Variants in ESR1 observed in about 807,000 individuals in gnomAD.
ESR1 encodes estrogen receptor 1, also known as estrogen receptor.
A neutral mutation model predicts 52.7 loss-of-function variants in ESR1; 12 were observed. That is an observed-to-expected ratio of 0.23 (90% confidence interval 0.15 to 0.37). ESR1 has a LOEUF of 0.37. Among genes scored for constraint, ESR1 ranks in the 10% least tolerant of loss-of-function variants. The pLI is 1.00. For missense variants in ESR1, 584 were observed against 779.7 expected, an observed-to-expected ratio of 0.75 and a Z score of 2.99; for synonymous variants, 305 against 316.8, an observed-to-expected ratio of 0.96 and a Z score of 0.39.
At chr6:152,037,429 A>G (rs1461994133) in intron 5 of ESR1, among the ~76,000 whole-genome samples, 1 of 152,206 alleles carries the variant, frequency 6.6e-6, no homozygotes, top group Admixed American at 6.5e-5. Flanking sequence ...TGGAGTGGAA[A>G]GGTTCACCAG....
At chr6:152,041,907 G>A (rs924212331) in intron 5 of ESR1, among the ~76,000 whole-genome samples, 2 of 152,186 alleles carry the variant, frequency 1.3e-5, no homozygotes, top group Admixed American at 1.3e-4. Context: ...GTGTTAATTT[G>A]CTCAAGTAAT....
chr6:152,030,947 C>A (rs1230288888), intron 5 of ESR1, among the ~76,000 whole-genome samples: 1 of 152,146 alleles, frequency 6.6e-6, no homozygotes, highest in Non-Finnish European at 1.5e-5. Flanking sequence ...TCTCTCAGAC[C>A]ACAGTGCAAT....
chr6:151,840,787 G>A (rs940977949), intron 1 of ESR1, among the ~76,000 whole-genome samples: 1 of 152,166 alleles, frequency 6.6e-6, no homozygotes, highest in African/African-American at 2.4e-5. Flanking sequence ...TTTAAAAAAT[G>A]TTCACAGGAA....
intron 1 of ESR1, among the ~76,000 whole-genome samples, chr6:151,684,381 G>A (rs1395400496): frequency 6.6e-6 from 1 of 152,174 alleles, no homozygotes; most frequent in East Asian, 1.9e-4. Context: ...TAAGTGGTTT[G>A]TGCTTAATTT....
At chr6:152,089,157 G>A (rs778523601) in intron 6 of ESR1, among the ~76,000 whole-genome samples, 41 of 152,288 alleles carry the variant, frequency 2.7e-4, no homozygotes, top group Non-Finnish European at 5.0e-4. Flanking sequence ...CTCTGGAGAC[G>A]ATGTCAATGT....
At chr6:151,841,001 G>A (rs985271528) in intron 1 of ESR1, among the ~76,000 whole-genome samples, 1 of 152,106 alleles carries the variant, frequency 6.6e-6, no homozygotes, top group Non-Finnish European at 1.5e-5. Context: ...CTGGTCTGGC[G>A]AGAGATGCAA....
At chr6:151,667,128 TC>T (rs1416612306) in intron 1 of ESR1, among the ~76,000 whole-genome samples, 1 of 152,194 alleles carries the variant, frequency 6.6e-6, no homozygotes, top group East Asian at 1.9e-4. Context: ...AACTAGAGCC[TC>T]CCTTCTTCCT....
chr6:151,755,520 G>A (rs1371815285), intron 2 of ESR1, among the ~76,000 whole-genome samples: 2 of 152,146 alleles, frequency 1.3e-5, no homozygotes, highest in Admixed American at 6.5e-5. Flanking sequence ...TGTTGGAGCC[G>A]CCGCAGAGCT....
intron 3 of ESR1, among the ~76,000 whole-genome samples, chr6:151,898,607 G>C (rs935165276): frequency 1.3e-5 from 2 of 151,830 alleles, no homozygotes; most frequent in South Asian, 4.2e-4. Flanking sequence ...GACTCTTAAC[G>C]AGCATGCTGC....
intron 1 of ESR1, among the ~76,000 whole-genome samples, chr6:151,691,532 G>C (rs972286542): frequency 5.9e-5 from 9 of 152,186 alleles, no homozygotes; most frequent in Non-Finnish European, 1.5e-5. Flanking sequence ...TCGATAGAAG[G>C]GTTGGGCTTA....
chr6:152,118,843 C>T (rs530256371), intron 6 of ESR1, among the ~76,000 whole-genome samples: 1 of 152,108 alleles, frequency 6.6e-6, no homozygotes, highest in African/African-American at 2.4e-5. Flanking sequence ...GAGGACTCCC[C>T]GAGGGAGCTT....
At chr6:151,669,402 G>T (rs1777971057) in intron 1 of ESR1, among the ~76,000 whole-genome samples, 1 of 152,012 alleles carries the variant, frequency 6.6e-6, no homozygotes, top group African/African-American at 2.4e-5. Flanking sequence ...GAGGAGTAAA[G>T]GACAATGATG....
intron 5 of ESR1, among the ~76,000 whole-genome samples, chr6:152,017,502 A>G (rs1021145708): frequency 6.6e-6 from 1 of 152,138 alleles, no homozygotes; most frequent in East Asian, 1.9e-4. Flanking sequence ...ATTTTACAAG[A>G]GGAAAGTTAA....
intron 5 of ESR1, among the ~76,000 whole-genome samples, chr6:152,051,634 C>T (rs2046688130): frequency 6.6e-6 from 1 of 152,032 alleles, no homozygotes; most frequent in South Asian, 2.1e-4. Context: ...TTGTCAACCC[C>T]CAAAACTGCT....
intron 3 of ESR1, among the ~76,000 whole-genome samples, chr6:151,942,123 G>A (rs771797526): frequency 2.0e-5 from 3 of 152,160 alleles, no homozygotes; most frequent in Non-Finnish European, 4.4e-5. Flanking sequence ...CAGATATTGT[G>A]ATCTAATTGG....
At chr6:152,110,895 G>A (rs950638182) in intron 6 of ESR1, among the ~76,000 whole-genome samples, 1 of 152,098 alleles carries the variant, frequency 6.6e-6, no homozygotes, top group Non-Finnish European at 1.5e-5. Flanking sequence ...AGCTTGAGGA[G>A]CACTTCCACC....
chr6:151,664,600 A>G (rs1777754761), intron 1 of ESR1, among the ~76,000 whole-genome samples: 1 of 152,188 alleles, frequency 6.6e-6, no homozygotes, highest in African/African-American at 2.4e-5. Flanking sequence ...TTGAACACCC[A>G]AACACGTTGA....
At chr6:151,945,739 G>A (rs1658263912) in intron 4 of ESR1, among the ~76,000 whole-genome samples, 1 of 152,200 alleles carries the variant, frequency 6.6e-6, no homozygotes, top group Admixed American at 6.5e-5. Context: ...AAAAAAATGT[G>A]GAGTTTGTAC....
chr6:152,025,955 T>C (rs530900835), intron 5 of ESR1, among the ~76,000 whole-genome samples: 2 of 152,168 alleles, frequency 1.3e-5, no homozygotes, highest in South Asian at 4.1e-4. Context: ...ATTTCATGTT[T>C]TATTTTGTCT....
Sources: gnomAD v4.1 joint callset for allele counts (sites outside exome capture counted in the v4.1 genomes callset) on GRCh38, gnomAD v4.1.1 for gene constraint, MANE v1.5 for transcripts, NCBI Gene and HGNC (gene_info 2026-07-23, HGNC 2026-07-21) for gene names.